CSMD1: variants seen among roughly 807,000 people sequenced by gnomAD.
CSMD1 encodes the protein CUB and sushi domain-containing protein 1.
In CSMD1, 213 loss-of-function variants were observed where a neutral mutation model predicts 417.5. That is an observed-to-expected ratio of 0.51 (90% CI 0.46 to 0.57). CSMD1 has a LOEUF of 0.57. Ranked by LOEUF, CSMD1 falls within the 20% of genes least tolerant of loss-of-function variation. The probability of loss-of-function intolerance (pLI) is 0.00; values close to 1 mark genes in which losing one functional copy is unlikely to be tolerated. For missense variants in CSMD1, 6,923 were observed against 4,529.7 expected (o/e 1.53, Z -15.17); for synonymous variants, 2,862 against 1,736.8 (o/e 1.65, Z -16.11).
chr8:4,041,702 A>C (rs887918646), intron 3 of CSMD1, among the ~76,000 whole-genome samples: 2 of 152,210 alleles, frequency 1.3e-5, no homozygotes, highest in African/African-American at 4.8e-5. Flanking sequence ...ATCAGTGAAC[A>C]CCAACATTAA....
intron 3 of CSMD1, among the ~76,000 whole-genome samples, chr8:4,202,812 C>G (rs1005836029): frequency 2.6e-5 from 4 of 152,040 alleles, no homozygotes; most frequent in Non-Finnish European, 5.9e-5. Context: ...CAGAAAATAC[C>G]TAGAAAAAGA....
chr8:4,151,004 T>C (rs1483782325), intron 3 of CSMD1, among the ~76,000 whole-genome samples: 3 of 152,206 alleles, frequency 2.0e-5, no homozygotes, highest in African/African-American at 7.2e-5. Flanking sequence ...GGAGAAATGA[T>C]GCAAGAGAAA....
chr8:3,137,520 T>G (rs188569893), intron 41 of CSMD1, among the ~76,000 whole-genome samples: 1 of 152,224 alleles, frequency 6.6e-6, no homozygotes, highest in Non-Finnish European at 1.5e-5. Flanking sequence ...TGCAGTGTAT[T>G]GTTTTCAGTA....
chr8:3,984,771 G>A (rs868510554), intron 5 of CSMD1, among the ~76,000 whole-genome samples: 3,463 of 139,220 alleles, frequency 0.025, 209 homozygotes, highest in African/African-American at 0.091. Context: ...ATTTGTGCGT[G>A]TGTGTGTGTG....
chr8:3,299,139 T>C (rs910665302), intron 25 of CSMD1, among the ~76,000 whole-genome samples: 1 of 152,006 alleles, frequency 6.6e-6, no homozygotes, highest in Non-Finnish European at 1.5e-5. Context: ...ACAATTCCAC[T>C]AGGTAAAGGA....
chr8:3,428,671 A>T (rs1814011074), intron 12 of CSMD1, among the ~76,000 whole-genome samples: 1 of 152,180 alleles, frequency 6.6e-6, no homozygotes, highest in Admixed American at 6.5e-5. Flanking sequence ...GTAAAAAAGA[A>T]CTATCATATG....
intron 1 of CSMD1, among the ~76,000 whole-genome samples, chr8:4,838,564 G>T (rs977815296): frequency 8.5e-5 from 13 of 152,206 alleles, no homozygotes; most frequent in Admixed American, 5.9e-4. Context: ...CCTGGGTGGG[G>T]GTGCATGTTG....
intron 1 of CSMD1, among the ~76,000 whole-genome samples, chr8:4,797,974 G>T (rs944856212): frequency 6.6e-6 from 1 of 152,096 alleles, no homozygotes; most frequent in East Asian, 1.9e-4. Context: ...TTTCCCAAAT[G>T]CATCTATGCA....
At chr8:3,626,900 TTAA>T (rs1433440799) in intron 7 of CSMD1, among the ~76,000 whole-genome samples, 5 of 150,196 alleles carry the variant, frequency 3.3e-5, no homozygotes, top group African/African-American at 9.7e-5. Context: ...AAATTAATAT[TTAA>T]TATTAAGGCT....
At chr8:3,338,824 T>TG (rs1807448385) in intron 23 of CSMD1, among the ~76,000 whole-genome samples, 1 of 151,686 alleles carries the variant, frequency 6.6e-6, no homozygotes, top group Admixed American at 6.6e-5. Flanking sequence ...TTTTTTTTTT[T>TG]TAAATTTTTA....
chr8:4,198,296 G>A (rs896259823), intron 3 of CSMD1, among the ~76,000 whole-genome samples: 12 of 152,242 alleles, frequency 7.9e-5, no homozygotes, highest in Non-Finnish European at 1.5e-4. Flanking sequence ...CCAGAGAAGT[G>A]GCAGCAGGGG....
Position 4,266,722 on chromosome 8 carries a change from T to C in CSMD1, c.415+153231A>G, listed in dbSNP as rs186135978. On this transcript the variant is annotated intron_variant, in intron 3 of 69. Coordinates refer to ENST00000635120, the MANE Select transcript of CSMD1 (RefSeq NM_033225.6). ...CTTAGTTTTATACATTATACAAAAATTCTAATTTTTTGTCTAATAAAAATT... is the reference window on the plus strand; with the variant it reads ...CTTAGTTTTATACATTATACAAAAACTCTAATTTTTTGTCTAATAAAAATT... Among the ~76,000 whole-genome samples the C allele has an allele frequency of 2.1e-3, 223 of 105,220 alleles. 58 individuals are homozygous for C. Among genetic ancestry groups the C allele is most frequent in the African/African-American group, 3.2e-3 (124 of 38,698 alleles). The allele number at this position is 105,220 out of a possible 152,430, so 69.0% of individuals were successfully genotyped here. A position where few individuals can be genotyped will look rare whatever the true frequency, so the allele number is the denominator to read the frequency against.
intron 3 of CSMD1, among the ~76,000 whole-genome samples, chr8:4,097,870 C>T (rs1030347642): frequency 3.9e-5 from 6 of 152,122 alleles, no homozygotes; most frequent in Non-Finnish European, 7.4e-5. Context: ...TGTGTGACTA[C>T]GTCTATCCAT....
chr8:3,151,334 A>C, intron 40 of CSMD1, 63 bp downstream of exon 40: 1 of 1,036,474 alleles, frequency 9.6e-7, no homozygotes, highest in Non-Finnish European at 1.5e-6. Context: ...TATTCTGCTT[A>C]ATTCTTTCCA....
intron 18 of CSMD1, among the ~76,000 whole-genome samples, chr8:3,377,933 A>T (rs764538255): frequency 6.6e-5 from 10 of 152,176 alleles, no homozygotes; most frequent in Non-Finnish European, 1.5e-5. Flanking sequence ...AACTTTATGG[A>T]GCTGAATATT....
At chr8:4,248,347 C>T (rs888865445) in intron 3 of CSMD1, among the ~76,000 whole-genome samples, 1 of 152,162 alleles carries the variant, frequency 6.6e-6, no homozygotes. Context: ...CAGCCAAACA[C>T]GCTTTTACCA....
Position 3,188,906 on chromosome 8 carries a change from G to A in CSMD1, c.5504C>T (p.Thr1835Met), listed in dbSNP as rs374772217. 66 of 1,586,852 alleles carry A rather than the reference G, an allele frequency of 4.2e-5. No homozygotes were observed. Among genetic ancestry groups the A allele is most frequent in the Middle Eastern group, 1.7e-4 (1 of 6,008 alleles). Residue 1835 changes from threonine (T) to methionine (M), a missense_variant, in exon 35 of 70, where the codon ACG becomes ATG. Coordinates refer to ENST00000635120, the MANE Select transcript of CSMD1 (RefSeq NM_033225.6). ...ACTCACCTGAATTCCCGAGCCCTCC[G>A]TAACTATGATCTTCCATATACAGTT... ...NLNCIWKIIVTEGSGIQIQVI... is the reference protein window; with the variant it reads ...NLNCIWKIIVMEGSGIQIQVI...
intron 12 of CSMD1, among the ~76,000 whole-genome samples, chr8:3,440,753 G>C (rs1308593304): frequency 1.3e-5 from 2 of 152,156 alleles, no homozygotes. Context: ...TCTTTCATCA[G>C]TAAGGTTAAT....
chr8:4,405,312 AG>A (rs1450795525), intron 3 of CSMD1, among the ~76,000 whole-genome samples: 1 of 151,882 alleles, frequency 6.6e-6, no homozygotes, highest in Non-Finnish European at 1.5e-5. Flanking sequence ...ACTTCCACTT[AG>A]TTTTTTTCTC....
Sources: gnomAD v4.1 joint callset for allele counts (sites outside exome capture counted in the v4.1 genomes callset) on GRCh38, gnomAD v4.1.1 for gene constraint, MANE v1.5 for transcripts, NCBI Gene and HGNC (gene_info 2026-07-23, HGNC 2026-07-21) for gene names.